Variants in KATNIP observed in about 807,000 individuals in gnomAD.
KATNIP encodes the protein katanin interacting protein.
A neutral mutation model predicts 174.0 loss-of-function variants in KATNIP; 126 were observed. The ratio of observed to expected loss-of-function variants is 0.72; its 90% CI spans 0.63 to 0.84. The LOEUF is 0.84. Among genes scored for constraint, KATNIP ranks in the 40% least tolerant of loss-of-function variants. The pLI is 0.00. For synonymous variants in KATNIP, 810 were observed against 835.7 expected (o/e 0.97, Z 0.53); for missense variants, 1,958 against 2,109.7 (o/e 0.93, Z 1.41).
chr16:27,661,831 A>G lies in KATNIP; in HGVS notation c.540+13096A>G, dbSNP rs865860198. ...CGTAATCATAGCTCACTGCAGCCTC[A>G]ACCTCCTGAGCTCAAGCTTTCCTAC... is the stretch of plus-strand genomic sequence containing the variant. On this transcript the variant is annotated intron_variant, in intron 6 of 27. Transcript: ENST00000261588. 3.6e-5 allele frequency among the ~76,000 whole-genome samples: 5 copies of G among 138,366 alleles called. No individual in the cohort carries two copies. The South Asian group carries it at 9.3e-4, about 26-fold the overall frequency. 90.8% of individuals were successfully genotyped at this position (138,366 alleles called of 152,430 possible). A position where few individuals can be genotyped will look rare whatever the true frequency, so the allele number is the denominator to read the frequency against.
At chr16:27,579,635 A>G (rs2090620728) in intron 2 of KATNIP, among the ~76,000 whole-genome samples, 1 of 151,796 alleles carries the variant, frequency 6.6e-6, no homozygotes, top group South Asian at 2.1e-4. Flanking sequence ...GTGTGTCCCC[A>G]GGCACCTGGG....
In KATNIP at chr16:27,730,030, T is replaced by A. The variant is rs557743920; in HGVS notation, c.1743+8335T>A. Among the ~76,000 whole-genome samples the A allele has an allele frequency of 2.0e-5, 3 of 152,352 alleles. No homozygotes were observed. The East Asian group carries it at 5.8e-4, about 29-fold the overall frequency. On this transcript the variant is annotated intron_variant, in intron 14 of 27. Coordinates refer to ENST00000261588, the MANE Select transcript of KATNIP (RefSeq NM_015202.5). ...GTGCTGGGAATCAGCACTGATACGC[T>A]GCCTGCCCCTGCAAGCTCATGCCCA... is the stretch of plus-strand genomic sequence containing the variant.
chr16:27,736,597 A>C (rs909732405), intron 14 of KATNIP, among the ~76,000 whole-genome samples: 1 of 152,192 alleles, frequency 6.6e-6, no homozygotes, highest in African/African-American at 2.4e-5. Flanking sequence ...AGGCAGGAGG[A>C]ACAGGCTGAG....
chr16:27,716,867 C>T (rs566486013), intron 13 of KATNIP, among the ~76,000 whole-genome samples: 14 of 151,240 alleles, frequency 9.3e-5, no homozygotes, highest in East Asian at 3.9e-4. Context: ...TTTTTTGAGA[C>T]GAAGTCTCAC....
At chr16:27,711,424 G>A (rs1040549226) in intron 13 of KATNIP, among the ~76,000 whole-genome samples, 42 of 152,184 alleles carry the variant, frequency 2.8e-4, no homozygotes, top group African/African-American at 1.0e-3. Context: ...TTTCAGAGAA[G>A]GGAACAAAAT....
intron 5 of KATNIP, 34 bp downstream of exon 5, chr16:27,631,196 A>C: frequency 6.8e-7 from 1 of 1,478,974 alleles, no homozygotes; most frequent in South Asian, 1.2e-5. Flanking sequence ...CACGCTTTAG[A>C]ATACAGAGTG....
At chr16:27,655,402 T>TATTC (rs1488095732) in intron 6 of KATNIP, among the ~76,000 whole-genome samples, 4 of 148,750 alleles carry the variant, frequency 2.7e-5, no homozygotes, top group African/African-American at 9.9e-5. Context: ...TCCAGCCAAT[T>TATTC]ATTTATTTAT....
rs898468258 is a variant in KATNIP at position 27,779,943 on chromosome 16, C to G, written c.*1314C>G. The G allele has an allele frequency of 6.6e-6, 1 of 152,172 alleles. No homozygotes were observed. The highest frequency in any genetic ancestry group is 1.5e-5 in the Non-Finnish European group (1 of 68,036). The allele number at this position is 152,172 out of a possible 1,614,324, so 9.4% of individuals were successfully genotyped here. ...GCCTGGGCTCGAGCAGCTATGCAAACGCGCTTTTCATTTGGAGCACGGGGC... is the reference window on the plus strand; with the variant it reads ...GCCTGGGCTCGAGCAGCTATGCAAAGGCGCTTTTCATTTGGAGCACGGGGC... On this transcript the variant is annotated 3_prime_UTR_variant, in exon 28 of 28. Coordinates refer to ENST00000261588, the MANE Select transcript of KATNIP (RefSeq NM_015202.5).
At chr16:27,729,830 T>C (rs145298483) in intron 14 of KATNIP, among the ~76,000 whole-genome samples, 8 of 152,358 alleles carry the variant, frequency 5.3e-5, no homozygotes, top group Admixed American at 2.6e-4. Flanking sequence ...CTCTGAGTCC[T>C]ACCAGTTCTA....
intron 6 of KATNIP, among the ~76,000 whole-genome samples, chr16:27,659,027 A>G (rs1445401594): frequency 1.1e-4 from 17 of 151,974 alleles, no homozygotes; most frequent in Admixed American, 1.0e-3. Flanking sequence ...TTGGTCTCCC[A>G]AAGTGCTGGG....
At chr16:27,701,405 T>C (rs1567318177) in intron 10 of KATNIP, 184 bp from the exon 11 acceptor site, 1 of 530,750 alleles carries the variant, frequency 1.9e-6, no homozygotes, top group Non-Finnish European at 3.5e-6. Flanking sequence ...CCTCGGAAGC[T>C]GAGATGGTGT....
At chr16:27,727,825 T>C (rs1445348655) in intron 14 of KATNIP, 1 of 152,266 alleles carries the variant, frequency 6.6e-6, no homozygotes, top group Non-Finnish European at 1.5e-5. Flanking sequence ...AAGTAAATTG[T>C]AGCTATCACA....
intron 2 of KATNIP, among the ~76,000 whole-genome samples, chr16:27,592,982 G>A (rs2075225872): frequency 6.6e-6 from 1 of 152,220 alleles, no homozygotes; most frequent in African/African-American, 2.4e-5. Flanking sequence ...AGGCTCTGAA[G>A]CAGTGGAGCT....
At chr16:27,555,117 A>G (rs2089561109) in intron 1 of KATNIP, among the ~76,000 whole-genome samples, 1 of 152,060 alleles carries the variant, frequency 6.6e-6, no homozygotes, top group South Asian at 2.1e-4. Context: ...ACATAATTTT[A>G]TAGGCACATA....
chr16:27,661,370 A>G (rs2077467767), intron 6 of KATNIP, among the ~76,000 whole-genome samples: 1 of 152,008 alleles, frequency 6.6e-6, no homozygotes, highest in Non-Finnish European at 1.5e-5. Flanking sequence ...AAGAGAAGCC[A>G]GGTATCTGGG....
chr16:27,770,339 T>G (rs1316556704), intron 21 of KATNIP, among the ~76,000 whole-genome samples: 2 of 152,220 alleles, frequency 1.3e-5, no homozygotes, highest in East Asian at 3.8e-4. Flanking sequence ...GGAAGGGCCT[T>G]CCTTCTCCCG....
At chr16:27,745,957 C>CTTTTTT (rs759181249) in intron 15 of KATNIP, among the ~76,000 whole-genome samples, 60 of 92,070 alleles carry the variant, frequency 6.5e-4, no homozygotes, top group South Asian at 1.1e-3. Flanking sequence ...AACTCCTCTG[C>CTTTTTT]TTTTTTTTTT....
chr16:27,579,292 C>T (rs1305789269), intron 2 of KATNIP, among the ~76,000 whole-genome samples: 1 of 152,178 alleles, frequency 6.6e-6, no homozygotes, highest in Non-Finnish European at 1.5e-5. Context: ...TTAATACCTC[C>T]AGTTTGCTGT....
At chr16:27,630,814 G>A (rs1005259705) in intron 4 of KATNIP, among the ~76,000 whole-genome samples, 12 of 151,976 alleles carry the variant, frequency 7.9e-5, no homozygotes, top group African/African-American at 2.2e-4. Flanking sequence ...TGCCTGATCC[G>A]GCCATATATT....
Sources: gnomAD v4.1 joint callset for allele counts (sites outside exome capture counted in the v4.1 genomes callset) on GRCh38, gnomAD v4.1.1 for gene constraint, MANE v1.5 for transcripts, NCBI Gene and HGNC (gene_info 2026-07-23, HGNC 2026-07-21) for gene names.